Variants in MRS2 observed in about 807,000 individuals in gnomAD.
MRS2 encodes the protein magnesium transporter MRS2, also known as magnesium transporter MRS2 homolog, mitochondrial.
MRS2 carries 40 observed loss-of-function variants against 52.6 expected under a neutral mutation model. The observed-to-expected ratio is 0.76, with a 90% confidence interval of 0.59 to 0.99. The LOEUF (loss-of-function observed/expected upper bound fraction) is 0.99, where lower values mean the gene tolerates loss of function less well. Ranked by LOEUF, MRS2 falls within the 50% of genes least tolerant of loss-of-function variation. The pLI is 0.00. For synonymous variants in MRS2, 193 were observed against 195.9 expected (o/e 0.98, Z 0.13); for missense variants, 472 against 532.7 (o/e 0.89, Z 1.12).
chr6:24,416,601 T>C, intron 7 of MRS2, 88 bp downstream of exon 7: 1 of 775,850 alleles, frequency 1.3e-6, no homozygotes, highest in Non-Finnish European at 2.2e-6. Flanking sequence ...ATACAGAATG[T>C]AACATTTTTC....
Position 24,425,855 on chromosome 6 carries a change from T to C in MRS2, c.*2161T>C, listed in dbSNP as rs536458299. 6.6e-6 allele frequency: 1 copy of C among 152,342 alleles called. No individual in the cohort carries two copies. The highest frequency in any genetic ancestry group is 2.4e-5 in the African/African-American group (1 of 41,580). 9.4% of individuals were successfully genotyped at this position (152,342 alleles called of 1,614,324 possible). ...AATTTTATATTAAAAAGCTATTTAT[T>C]TTGGTGAGTTATTCCAAGAGTTGTA... On this transcript the variant is annotated 3_prime_UTR_variant, in exon 11 of 11. Transcript: ENST00000378386.
chr6:24,410,268 C>T (rs929972315), intron 4 of MRS2, among the ~76,000 whole-genome samples: 2 of 152,136 alleles, frequency 1.3e-5, no homozygotes, highest in Admixed American at 6.5e-5. Context: ...CATGAGCCAC[C>T]GTGCCTGGCC....
At chr6:24,413,547 A>G (rs560073956) in intron 5 of MRS2, among the ~76,000 whole-genome samples, 19 of 152,262 alleles carry the variant, frequency 1.2e-4, no homozygotes, top group African/African-American at 1.9e-4. Context: ...AGCCTCCCCA[A>G]CCACTACAAA....
Position 24,403,110 on chromosome 6 carries a change from C to A in MRS2, c.64C>A (p.Leu22Met). Residue 22 changes from leucine (L) to methionine (M), a missense_variant, in exon 1 of 11, where the codon CTG becomes ATG. Coordinates refer to ENST00000378386, the MANE Select transcript of MRS2 (RefSeq NM_020662.4). The part of the protein sequence containing the change: ...PRAMRLPRRT[L>M]CALALDVTSV... ...CGCGATGAGACTTCCCCGGCGGACG[C>A]TGTGTGCCCTGGCCTTGGACGTGAC... The A allele has an allele frequency of 6.2e-7, 1 of 1,612,436 alleles. No homozygotes were observed. The highest frequency in any genetic ancestry group is 8.5e-7 in the Non-Finnish European group (1 of 1,179,862).
intron 9 of MRS2, among the ~76,000 whole-genome samples, chr6:24,420,120 C>A (rs896310497): frequency 6.6e-6 from 1 of 152,208 alleles, no homozygotes; most frequent in African/African-American, 2.4e-5. Flanking sequence ...CCTGCCGCAC[C>A]GACTTGTCCA....
rs1761909529 is a variant in MRS2 at position 24,417,968 on chromosome 6, A to T, written c.837-116A>T. 3.8e-6 allele frequency: 3 copies of T among 798,806 alleles called. No individual in the cohort carries two copies. In the East Asian group the frequency reaches 8.2e-5, roughly 22 times the overall value. The allele number at this position is 798,806 out of a possible 1,614,324, so 49.5% of individuals were successfully genotyped here. On this transcript the variant is annotated intron_variant, in intron 7 of 10. Transcript: ENST00000378386. ...AAAAAAAAAAAGACAAGACAAGACAAAGGCTAGCTTTTCCACTGGTAGCTG... is the reference window on the plus strand; with the variant it reads ...AAAAAAAAAAAGACAAGACAAGACATAGGCTAGCTTTTCCACTGGTAGCTG...
chr6:24,405,360 TGTC>T (rs1761432731), intron 2 of MRS2, 119 bp downstream of exon 2: 3 of 715,834 alleles, frequency 4.2e-6, no homozygotes, highest in South Asian at 3.4e-5. Flanking sequence ...CATAGCTACA[TGTC>T]GTGGCTGTTG....
At chr6:24,416,057 G>C (rs1761838272) in intron 6 of MRS2, among the ~76,000 whole-genome samples, 1 of 152,094 alleles carries the variant, frequency 6.6e-6, no homozygotes, top group African/African-American at 2.4e-5. Context: ...CAAGTAGCTG[G>C]GACTGCAGGC....
Position 24,422,392 on chromosome 6 carries a change from G to A in MRS2, c.1108-545G>A, listed in dbSNP as rs530129296. Among the ~76,000 whole-genome samples the A allele has an allele frequency of 9.5e-4, 145 of 152,244 alleles. No individual in the cohort carries two copies. The South Asian group carries it at 0.028, about 30-fold the overall frequency. On this transcript the variant is annotated intron_variant, in intron 9 of 10. Transcript: ENST00000378386. ...AAAATATTACCACTCTGAAAATGACGGTGAGGAAGAATGTTTTTCTAAGTC... is the reference window on the plus strand; with the variant it reads ...AAAATATTACCACTCTGAAAATGACAGTGAGGAAGAATGTTTTTCTAAGTC...
chr6:24,415,691 T>C (rs1175064052), intron 6 of MRS2, among the ~76,000 whole-genome samples: 1 of 152,228 alleles, frequency 6.6e-6, no homozygotes, highest in Middle Eastern at 3.2e-3. Flanking sequence ...AACTAGTCTG[T>C]TCTATATTAT....
intron 2 of MRS2, 89 bp downstream of exon 2, chr6:24,405,330 A>C: frequency 1.1e-6 from 1 of 944,318 alleles, no homozygotes; most frequent in Non-Finnish European, 1.7e-6. Flanking sequence ...GATACTACTT[A>C]TTTTGAGCTT....
intron 4 of MRS2, chr6:24,410,673 T>C (rs956109104): frequency 7.5e-7 from 1 of 1,336,528 alleles, no homozygotes; most frequent in Admixed American, 2.3e-5. Flanking sequence ...AATAAGTAAA[T>C]AAAAAATACT....
At position 24,408,505 on chromosome 6, in the gene MRS2, C is replaced by A; in HGVS notation, c.301+61C>A. 2.6e-6 allele frequency: 3 copies of A among 1,165,138 alleles called. No individual in the cohort carries two copies. In the South Asian group the frequency reaches 3.8e-5, roughly 15 times the overall value. 72.2% of individuals were successfully genotyped at this position (1,165,138 alleles called of 1,614,324 possible). A position where few individuals can be genotyped will look rare whatever the true frequency, so the allele number is the denominator to read the frequency against. ...TTTAATGAGTGAATCTGATAGAAATCAAGAAATTGTAGTATTTTGAGTAAA... is the reference window on the plus strand; with the variant it reads ...TTTAATGAGTGAATCTGATAGAAATAAAGAAATTGTAGTATTTTGAGTAAA... On this transcript the variant is annotated intron_variant, in intron 3 of 10. Transcript: ENST00000378386.
intron 9 of MRS2, chr6:24,418,831 G>A (rs934676995): frequency 5.4e-5 from 18 of 330,300 alleles, no homozygotes; most frequent in East Asian, 2.1e-4. Context: ...CCCGGGAGGC[G>A]GAGGTTGCAG....
chr6:24,409,698 G>T, intron 4 of MRS2, 125 bp downstream of exon 4: 1 of 602,570 alleles, frequency 1.7e-6, no homozygotes, highest in Non-Finnish European at 2.9e-6. Context: ...TGAAACATAG[G>T]ATGTTTTATA....
In MRS2 at chr6:24,418,122, T is replaced by TG. The variant is rs761911440; in HGVS notation, c.877dup (p.Glu293GlyfsTer12). 3 of 1,613,520 alleles carry TG rather than the reference T, an allele frequency of 1.9e-6. No homozygotes were observed. The highest frequency in any genetic ancestry group is 2.5e-6 in the Non-Finnish European group (3 of 1,179,782). ...GCTGGGATTGACCATGCAGAAGAGA[T>TG]GGAGTTGCTGTTGGAAAACTACTAC... On this transcript the variant is annotated frameshift_variant, in exon 8 of 11. Transcript: ENST00000378386. LOFTEE classifies it high-confidence loss of function.
In MRS2 at chr6:24,403,070, C is replaced by T. The variant is rs370977238; in HGVS notation, c.24C>T (p.Pro8=). The change falls in exon 1 of 11, where the codon CCC becomes CCT. Residue 8 remains proline, a synonymous_variant. Coordinates refer to ENST00000378386, the MANE Select transcript of MRS2 (RefSeq NM_020662.4). MECLRSL[P]CLLPRAMRLP... ...CCATGGAATGCCTGCGCAGTTTACCCTGCCTCCTGCCCCGCGCGATGAGAC... is the reference window on the plus strand; with the variant it reads ...CCATGGAATGCCTGCGCAGTTTACCTTGCCTCCTGCCCCGCGCGATGAGAC... The T allele has an allele frequency of 1.2e-6, 2 of 1,610,438 alleles. No homozygotes were observed. Among genetic ancestry groups the T allele is most frequent in the Non-Finnish European group, 1.7e-6 (2 of 1,178,974 alleles).
chr6:24,419,547 C>T (rs190763947), intron 9 of MRS2, among the ~76,000 whole-genome samples: 4 of 152,288 alleles, frequency 2.6e-5, no homozygotes, highest in Admixed American at 2.6e-4. Flanking sequence ...TATATTATCC[C>T]TACTTTGTAG....
chr6:24,420,709 C>T (rs1038021134), intron 9 of MRS2, among the ~76,000 whole-genome samples: 2 of 152,046 alleles, frequency 1.3e-5, no homozygotes, highest in Non-Finnish European at 2.9e-5. Flanking sequence ...AGATGTAAGG[C>T]GGTAACACCC....
Sources: allele counts gnomAD v4.1 joint callset (sites outside exome capture counted in the v4.1 genomes callset), GRCh38; gene constraint gnomAD v4.1.1; transcripts MANE v1.5; gene names NCBI Gene and HGNC (gene_info 2026-07-23, HGNC 2026-07-21).